The following MYMX variants were observed in gnomAD, a reference collection of about 807,000 sequenced individuals.
MYMX encodes the protein protein myomixer.
chr6:44,211,740 C>T, the MYMX span, among the ~76,000 whole-genome samples: 1 of 150,152 alleles, frequency 6.7e-6, no homozygotes, highest in East Asian at 1.9e-4. Flanking sequence ...GTCTGAGCCT[C>T]CTGCGTAGCT....
chr6:44,202,848 C>T, the MYMX span, among the ~76,000 whole-genome samples: 2 of 152,184 alleles, frequency 1.3e-5, no homozygotes, highest in Non-Finnish European at 2.9e-5. Context: ...TCTGGAGTTC[C>T]CCATTGTTCC....
At chr6:44,208,084 C>T in the MYMX span, among the ~76,000 whole-genome samples, 1 of 151,932 alleles carries the variant, frequency 6.6e-6, no homozygotes, top group African/African-American at 2.4e-5. Context: ...AAAAATTATC[C>T]AGGCATGGTG....
upstream of MYMX, among the ~76,000 whole-genome samples, chr6:44,212,854 T>G (rs1775665148): frequency 7.3e-6 from 1 of 136,896 alleles, no homozygotes; most frequent in African/African-American, 2.7e-5. Context: ...TGAGAACTTG[T>G]CTCTCCAAAA....
At chr6:44,208,480 T>TCCCTGG in the MYMX span, among the ~76,000 whole-genome samples, 1 of 151,998 alleles carries the variant, frequency 6.6e-6, no homozygotes, top group Non-Finnish European at 1.5e-5. Context: ...TACCCCCAAC[T>TCCCTGG]CCCTGGCCCT....
upstream of MYMX, among the ~76,000 whole-genome samples, chr6:44,213,640 G>C (rs562614946): frequency 1.3e-5 from 2 of 152,020 alleles, no homozygotes; most frequent in African/African-American, 2.4e-5. Context: ...CAGGCTGCTC[G>C]AACTTCTGAC....
the MYMX span, among the ~76,000 whole-genome samples, chr6:44,205,462 C>T: frequency 1.6e-3 from 240 of 151,874 alleles, 4 homozygotes; most frequent in East Asian, 0.037. Context: ...AGTTTGAGAC[C>T]AGCCTGGGCA....
At chr6:44,201,676 G>C in the MYMX span, among the ~76,000 whole-genome samples, 1 of 152,192 alleles carries the variant, frequency 6.6e-6, no homozygotes, top group African/African-American at 2.4e-5. Context: ...CAAGTTCTCT[G>C]CTGGCCTCTG....
At chr6:44,205,898 T>C in the MYMX span, among the ~76,000 whole-genome samples, 1 of 147,092 alleles carries the variant, frequency 6.8e-6, no homozygotes, top group African/African-American at 2.5e-5. Flanking sequence ...GAGGATCACT[T>C]GAGCCTGGGA....
At position 44,217,659 on chromosome 6, in the gene MYMX, C is replaced by T. The variant is rs1434030476; in HGVS notation, c.188C>T (p.Pro63Leu). Residue 63 changes from proline to leucine, a missense_variant, in exon 2 of 2, where the codon CCA (proline) becomes CTA (leucine). Coordinates refer to ENST00000573382, the MANE Select transcript of MYMX (RefSeq NM_001315494.2). ...TTCATTCTCAGCCAGCGACACTCGCCAGACGCTGGGGAGGCCTCAAGAGTG... is the reference window on the plus strand; with the variant it reads ...TTCATTCTCAGCCAGCGACACTCGCTAGACGCTGGGGAGGCCTCAAGAGTG... ...LLFILSQRHS[P>L]DAGEASRVDR... 1 of 400,920 alleles carries T rather than the reference C, an allele frequency of 2.5e-6. No homozygotes were observed. Among genetic ancestry groups the T allele is most frequent in the African/African-American group, 2.1e-5 (1 of 48,720 alleles). The allele number at this position is 400,920 out of a possible 1,614,324, so 24.8% of individuals were successfully genotyped here. A position where few individuals can be genotyped will look rare whatever the true frequency, so the allele number is the denominator to read the frequency against.
the MYMX span, among the ~76,000 whole-genome samples, chr6:44,198,317 TACC>T: frequency 1.3e-5 from 2 of 151,020 alleles, no homozygotes; most frequent in African/African-American, 4.9e-5. Context: ...TGCCCGCCAC[TACC>T]ACGCCCGGCT....
Position 44,218,147 on chromosome 6 carries a change from A to C in MYMX, c.*421A>C. 6.2e-6 allele frequency: 1 copy of C among 160,622 alleles called. No individual in the cohort carries two copies. Among genetic ancestry groups the C allele is most frequent in the Non-Finnish European group, 1.4e-5 (1 of 74,050 alleles). 9.9% of individuals were successfully genotyped at this position (160,622 alleles called of 1,614,324 possible). ...CTTCCAGACTCAGGACCTACCTTAA[A>C]ATAATATCTGAGTTGCTTATGGAGG... On this transcript the variant is annotated 3_prime_UTR_variant, in exon 2 of 2. Transcript: ENST00000573382.
chr6:44,206,857 C>G, the MYMX span, among the ~76,000 whole-genome samples: 2 of 152,122 alleles, frequency 1.3e-5, no homozygotes, highest in African/African-American at 4.8e-5. Flanking sequence ...GGCAGCCAGT[C>G]TAACAGGCTG....
upstream of MYMX, among the ~76,000 whole-genome samples, chr6:44,212,082 G>C (rs1243876398): frequency 6.6e-6 from 1 of 152,072 alleles, no homozygotes; most frequent in Non-Finnish European, 1.5e-5. Flanking sequence ...GGCTAAAAGA[G>C]AGGATTTAAA....
upstream of MYMX, among the ~76,000 whole-genome samples, chr6:44,213,020 TA>T (rs1370775852): frequency 1.3e-5 from 2 of 152,150 alleles, no homozygotes; most frequent in African/African-American, 4.8e-5. Context: ...ACCCTGTTTC[TA>T]AATAAAAATA....
upstream of MYMX, among the ~76,000 whole-genome samples, chr6:44,214,580 G>C (rs1775760668): frequency 6.6e-6 from 1 of 152,026 alleles, no homozygotes. Context: ...AATTTTGTTT[G>C]TTTGCTTTTT....
the MYMX span, among the ~76,000 whole-genome samples, chr6:44,210,302 A>AT: frequency 8.1e-6 from 1 of 124,004 alleles, no homozygotes; most frequent in Non-Finnish European, 1.8e-5. Context: ...TGTTTTCGTC[A>AT]TTTTGGAGAC....
chr6:44,192,873 T>G, the MYMX span, among the ~76,000 whole-genome samples: 1 of 152,216 alleles, frequency 6.6e-6, no homozygotes, highest in East Asian at 1.9e-4. Flanking sequence ...CAGGACTGTC[T>G]TTTTCTCTGA....
the MYMX span, among the ~76,000 whole-genome samples, chr6:44,202,318 T>C: frequency 6.6e-6 from 1 of 152,060 alleles, no homozygotes; most frequent in Non-Finnish European, 1.5e-5. Flanking sequence ...TCATCCAGAA[T>C]GTTTCTGGAT....
At chr6:44,193,781 G>A in the MYMX span, among the ~76,000 whole-genome samples, 4 of 152,164 alleles carry the variant, frequency 2.6e-5, no homozygotes, top group African/African-American at 4.8e-5. Context: ...TCAGGAGTTC[G>A]AGACTGGTCT....
Sources: gnomAD v4.1 joint callset for allele counts (sites outside exome capture counted in the v4.1 genomes callset) on GRCh38, gnomAD v4.1.1 for gene constraint, MANE v1.5 for transcripts, NCBI Gene and HGNC (gene_info 2026-07-23, HGNC 2026-07-21) for gene names.